The following SHPK variants were observed in gnomAD, a reference collection of about 807,000 sequenced individuals.
SHPK encodes carbohydrate kinase-like protein.
In SHPK, 51 loss-of-function variants were observed where a neutral mutation model predicts 46.3. The ratio of observed to expected loss-of-function variants is 1.10; its 90% confidence interval spans 0.88 to 1.39. The LOEUF is 1.39. Among genes scored for constraint, SHPK ranks in the 40% most tolerant of loss-of-function variants. SHPK has a pLI of 0.00. For missense variants in SHPK, 668 were observed against 641.3 expected, an observed-to-expected ratio of 1.04 and a Z score of -0.45; for synonymous variants, 290 against 273.9, an observed-to-expected ratio of 1.06 and a Z score of -0.58.
Position 3,615,496 on chromosome 17 carries a change from G to A in SHPK, c.865C>T (p.Pro289Ser). Residue 289 changes from proline to serine, a missense_variant, in exon 6 of 7, where the codon CCT (proline) becomes TCT (serine). Pro to Ser is a moderately conservative substitution (Grantham distance 74). Transcript: ENST00000225519. Reference sequence around the variant, plus strand: ...GTCTGTGCAGGCTGGAATCCTGAAGGCATGGAGGCTGCCAGCTGAACCGAG... The same window carrying A: ...GTCTGTGCAGGCTGGAATCCTGAAGACATGGAGGCTGCCAGCTGAACCGAG... Reference protein sequence around the residue: ...STSVQLAASMPSGFQPAQTPD... With the variant: ...STSVQLAASMSSGFQPAQTPD... 1 of 1,614,188 alleles carries A rather than the reference G, an allele frequency of 6.2e-7. No individual in the cohort carries two copies. Among genetic ancestry groups the A allele is most frequent in the Non-Finnish European group, 8.5e-7 (1 of 1,180,030 alleles).
rs1555555958 is a variant in SHPK at position 3,635,193 on chromosome 17, T to TGAAGGAAGGAAG, written c.168+847_168+858dup. Among the ~76,000 whole-genome samples the TGAAGGAAGGAAG allele has an allele frequency of 1.2e-4, 7 of 60,530 alleles. 1 individual carries two copies. Among genetic ancestry groups the TGAAGGAAGGAAG allele is most frequent in the African/African-American group, 1.9e-4 (2 of 10,326 alleles). The allele number at this position is 60,530 out of a possible 152,430, so 39.7% of individuals were successfully genotyped here. A position where few individuals can be genotyped will look rare whatever the true frequency, so the allele number is the denominator to read the frequency against. Reference sequence around the variant, plus strand: ...TAAGAAAGAGAAAGAAAGGAAAGAATGAAGGAAGGAAGGAAGGAAGGAAGG... The same window carrying TGAAGGAAGGAAG: ...TAAGAAAGAGAAAGAAAGGAAAGAATGAAGGAAGGAAGGAAGGAAGGAAGGAAGGAAGGAAGG... On this transcript the variant is annotated intron_variant, in intron 1 of 6. Coordinates refer to ENST00000225519, the MANE Select transcript of SHPK (RefSeq NM_013276.4).
rs147149189 is a variant in SHPK, at chr17:3,621,401, G to A, written c.659C>T (p.Ser220Leu). Residue 220 changes from serine to leucine, a missense_variant, in exon 5 of 7, where the codon TCG becomes TTG. Coordinates refer to ENST00000225519, the MANE Select transcript of SHPK (RefSeq NM_013276.4). Reference sequence around the variant, plus strand: ...TGGGAGCAGGTGGACAGGAAAACCCGAGCTCCTCAGTCTGTAAAACAGAAG... The same window carrying A: ...TGGGAGCAGGTGGACAGGAAAACCCAAGCTCCTCAGTCTGTAAAACAGAAG... ...QSWNVETLRS[S>L]GFPVHLLPDI... is the part of the protein sequence containing the mutation. 1.6e-3 allele frequency: 2,632 copies of A among 1,613,758 alleles called. 18 individuals carry two copies. The highest frequency in any genetic ancestry group is 6.1e-3 in the Middle Eastern group (37 of 6,058).
chr17:3,611,482 T>G (rs143657085), intron 6 of SHPK, among the ~76,000 whole-genome samples: 3,195 of 152,216 alleles, frequency 0.021, 60 homozygotes, highest in Non-Finnish European at 0.028. Context: ...GGCAGGAGAA[T>G]CACTTGAACC....
intron 1 of SHPK, 86 bp downstream of exon 1, chr17:3,635,966 G>T: frequency 7.7e-7 from 1 of 1,306,326 alleles, no homozygotes; most frequent in Non-Finnish European, 1.0e-6. Flanking sequence ...TTCATTGCGG[G>T]AAGGGCTGTC....
intron 2 of SHPK, among the ~76,000 whole-genome samples, chr17:3,627,851 A>C (rs867828472): frequency 3.3e-5 from 5 of 151,800 alleles, no homozygotes; most frequent in South Asian, 2.1e-4. Context: ...AAAATTAAGG[A>C]GTTTTAAAAG....
intron 3 of SHPK, 63 bp from the exon 4 acceptor site, chr17:3,623,554 C>T (rs2075415448): frequency 6.5e-7 from 1 of 1,530,698 alleles, no homozygotes; most frequent in Admixed American, 1.7e-5. Flanking sequence ...TGTGCCGCAC[C>T]TAGCTGCAGG....
intron 6 of SHPK, 112 bp downstream of exon 6, chr17:3,615,225 T>A: frequency 9.8e-7 from 1 of 1,017,528 alleles, no homozygotes; most frequent in African/African-American, 1.6e-5. Flanking sequence ...TGGCAGGGTC[T>A]GAGACCTCAA....
At chr17:3,617,914 T>C (rs1300884014) in intron 5 of SHPK, among the ~76,000 whole-genome samples, 1 of 152,214 alleles carries the variant, frequency 6.6e-6, no homozygotes, top group Non-Finnish European at 1.5e-5. Context: ...TTCGTCAAAA[T>C]CTTGAGCTCA....
Position 3,615,495 on chromosome 17 carries a change from G to A in SHPK, c.866C>T (p.Pro289Leu). 5 of 1,614,182 alleles carry A rather than the reference G, an allele frequency of 3.1e-6. No individual in the cohort carries two copies. Among genetic ancestry groups the A allele is most frequent in the Non-Finnish European group, 4.2e-6 (5 of 1,180,036 alleles). ...AGTCTGTGCAGGCTGGAATCCTGAA[G>A]GCATGGAGGCTGCCAGCTGAACCGA... ...STSVQLAASM[P>L]SGFQPAQTPD... Residue 289 changes from proline to leucine, a missense_variant, in exon 6 of 7, where the codon CCT (proline) becomes CTT (leucine). Transcript: ENST00000225519.
At chr17:3,624,436 C>G (rs994657290) in intron 2 of SHPK, among the ~76,000 whole-genome samples, 1 of 152,094 alleles carries the variant, frequency 6.6e-6, no homozygotes, top group African/African-American at 2.4e-5. Context: ...ACGTCACATA[C>G]TCCCTCCATT....
rs1444019306 is a variant in SHPK at position 3,634,569 on chromosome 17, CTCA to C, written c.168+1480_168+1482del. ...CCTGGGTGACAGAGCGAGACCCTGTCTCAAAAAAAAAAAAAAAAAAAAAAGAAG... is the reference window on the plus strand; with the variant it reads ...CCTGGGTGACAGAGCGAGACCCTGTCAAAAAAAAAAAAAAAAAAAAAGAAG... On this transcript the variant is annotated intron_variant, in intron 1 of 6. Transcript: ENST00000225519. 3.1e-4 allele frequency among the ~76,000 whole-genome samples: 20 copies of C among 63,670 alleles called. 1 individual carries two copies. The South Asian group carries it at 0.014, about 44-fold the overall frequency. The allele number at this position is 63,670 out of a possible 152,430, so 41.8% of individuals were successfully genotyped here. A position where few individuals can be genotyped will look rare whatever the true frequency, so the allele number is the denominator to read the frequency against.
Position 3,623,443 on chromosome 17 carries a change from A to G in SHPK, c.543T>C (p.Tyr181=), listed in dbSNP as rs539466441. Residue 181 remains tyrosine, a synonymous_variant, in exon 4 of 7, where the codon TAT becomes TAC. Transcript: ENST00000225519. ...GCAAGCCACACAGCATGGCAACCACATAGTCGTGGATGGTACCGGCTGCGT... is the reference window on the plus strand; with the variant it reads ...GCAAGCCACACAGCATGGCAACCACGTAGTCGTGGATGGTACCGGCTGCGT... The part of the protein sequence containing the change: ...SYDAAGTIHD[Y]VVAMLCGLPR... The G allele has an allele frequency of 6.2e-7, 1 of 1,614,134 alleles. No homozygotes were observed. The highest frequency in any genetic ancestry group is 1.3e-5 in the African/African-American group (1 of 75,046).
chr17:3,625,634 G>A (rs912533673), intron 2 of SHPK, among the ~76,000 whole-genome samples: 3 of 152,158 alleles, frequency 2.0e-5, no homozygotes, highest in African/African-American at 7.2e-5. Context: ...CCACCACCAT[G>A]CAGAAGCAGC....
intron 5 of SHPK, among the ~76,000 whole-genome samples, chr17:3,617,875 C>T (rs1302090469): frequency 6.6e-6 from 1 of 152,128 alleles, no homozygotes; most frequent in African/African-American, 2.4e-5. Context: ...TCAGATTAAC[C>T]AGATCTGCTT....
In SHPK at chr17:3,621,381, G is replaced by T; in HGVS notation, c.679C>A (p.Leu227Ile). The change falls in exon 5 of 7, where the codon CTC becomes ATC. Residue 227 changes from leucine to isoleucine, a missense_variant. Leu to Ile is a conservative substitution (Grantham distance 5). Coordinates refer to ENST00000225519, the MANE Select transcript of SHPK (RefSeq NM_013276.4). Reference protein sequence around the residue: ...LRSSGFPVHLLPDIAEPGSVA... With the variant: ...LRSSGFPVHLIPDIAEPGSVA... ...CTGCCAGGCTCGGCGATGTCTGGGA[G>T]CAGGTGGACAGGAAAACCCGAGCTC... is the stretch of plus-strand genomic sequence containing the variant. The T allele has an allele frequency of 1.2e-6, 2 of 1,614,116 alleles. No homozygotes were observed. Among genetic ancestry groups the T allele is most frequent in the Non-Finnish European group, 1.7e-6 (2 of 1,179,976 alleles).
At chr17:3,613,294 C>A (rs1307831889) in intron 6 of SHPK, among the ~76,000 whole-genome samples, 1 of 149,646 alleles carries the variant, frequency 6.7e-6, no homozygotes, top group East Asian at 1.9e-4. Flanking sequence ...GGGCGTGGGA[C>A]CAGGATGCAA....
At position 3,615,312 on chromosome 17, in the gene SHPK, C is replaced by G. The variant is rs368391366; in HGVS notation, c.1024+25G>C. The G allele has an allele frequency of 1.6e-5, 25 of 1,610,780 alleles. No individual in the cohort carries two copies. In the African/African-American group the frequency reaches 2.7e-4, roughly 17 times the overall value. ...GGGTAGAAAGGACAGGCAGAGAACACAGCGCTGTGTGGGCCACACCTTACC... is the reference window on the plus strand; with the variant it reads ...GGGTAGAAAGGACAGGCAGAGAACAGAGCGCTGTGTGGGCCACACCTTACC... On this transcript the variant is annotated intron_variant, in intron 6 of 6. Transcript: ENST00000225519.
At chr17:3,630,537 T>G (rs974464633) in intron 1 of SHPK, among the ~76,000 whole-genome samples, 191 bp from the exon 2 acceptor site, 12 of 152,166 alleles carry the variant, frequency 7.9e-5, no homozygotes, top group African/African-American at 2.9e-4. Context: ...CAGACTCAGC[T>G]GAGAACAGCA....
intron 5 of SHPK, among the ~76,000 whole-genome samples, chr17:3,616,073 C>T (rs1372072899): frequency 2.0e-5 from 3 of 151,930 alleles, no homozygotes; most frequent in Admixed American, 6.6e-5. Context: ...AGGATGGTCT[C>T]GAACTCCTGA....
Sources: gnomAD v4.1 joint callset for allele counts (sites outside exome capture counted in the v4.1 genomes callset) on GRCh38, gnomAD v4.1.1 for gene constraint, MANE v1.5 for transcripts, NCBI Gene and HGNC (gene_info 2026-07-23, HGNC 2026-07-21) for gene names.